The following BCL11B variants were observed in gnomAD, a reference collection of about 807,000 sequenced individuals.
The protein encoded by BCL11B is B-cell lymphoma/leukemia 11B.
Under a neutral mutation model 49.9 loss-of-function variants are expected in BCL11B, and 8 were observed. That is an observed-to-expected ratio of 0.16 (90% confidence interval 0.09 to 0.29). The LOEUF (loss-of-function observed/expected upper bound fraction) is 0.29. Ranked by LOEUF, BCL11B falls within the 10% of genes least tolerant of loss-of-function variation. The pLI, the probability that BCL11B is intolerant of heterozygous loss-of-function variation, is 1.00. For synonymous variants in BCL11B, 739 were observed against 637.4 expected, an observed-to-expected ratio of 1.16 and a Z score of -2.40; for missense variants, 1,006 against 1,351.0, an observed-to-expected ratio of 0.74 and a Z score of 4.00.
chr14:99,250,287 G>A (rs895574901), intron 2 of BCL11B, among the ~76,000 whole-genome samples: 5 of 151,786 alleles, frequency 3.3e-5, no homozygotes, highest in Admixed American at 6.6e-5. Flanking sequence ...CCCCCGCCTC[G>A]GCCTCCCAAA....
In BCL11B at chr14:99,194,810, T is replaced by C. The variant is rs1020880027; in HGVS notation, c.641-18615A>G. ...CTTCGATAATAGCAACCCCCGAGGA[T>C]GCAGACAGGCCTGAACCACGGGCAC... On this transcript the variant is annotated intron_variant, in intron 3 of 3. Coordinates refer to ENST00000357195, the MANE Select transcript of BCL11B (RefSeq NM_138576.4). The surrounding 1 kb of genome is among the most constrained non-coding windows in gnomAD (Gnocchi z 4.6). 2.6e-5 allele frequency among the ~76,000 whole-genome samples: 4 copies of C among 152,088 alleles called. No individual in the cohort carries two copies. The highest frequency in any genetic ancestry group is 9.7e-5 in the African/African-American group (4 of 41,410).
chr14:99,226,846 C>G (rs960594607), intron 3 of BCL11B, among the ~76,000 whole-genome samples: 3 of 152,152 alleles, frequency 2.0e-5, no homozygotes, highest in African/African-American at 7.2e-5. Context: ...TCCCTTTAAC[C>G]CATGCCAAGA....
intron 2 of BCL11B, among the ~76,000 whole-genome samples, chr14:99,246,862 A>G (rs1202392581): frequency 1.3e-5 from 2 of 152,118 alleles, no homozygotes; most frequent in Admixed American, 6.5e-5. Flanking sequence ...GAAGGAAGTG[A>G]GAGGAGACTT....
At chr14:99,207,440 A>C (rs1887564242) in intron 3 of BCL11B, among the ~76,000 whole-genome samples, 1 of 152,064 alleles carries the variant, frequency 6.6e-6, no homozygotes, top group African/African-American at 2.4e-5. Context: ...TCCCCCATGA[A>C]GCTGAGGGAG....
At position 99,184,361 on chromosome 14, in the gene BCL11B, CT is replaced by C. The variant is rs1366857753; in HGVS notation, c.641-8167del. ...GCTTCATACTGATCACCATACTGAACTGTCATCTTTTGTCTTTGACCTTGGT... is the reference window on the plus strand; with the variant it reads ...GCTTCATACTGATCACCATACTGAACGTCATCTTTTGTCTTTGACCTTGGT... On this transcript the variant is annotated intron_variant, in intron 3 of 3. Transcript: ENST00000357195. The surrounding 1 kb of genome is among the most constrained non-coding windows in gnomAD (Gnocchi z 6.1). Among the ~76,000 whole-genome samples, 1 of 152,240 alleles carries C rather than the reference CT, an allele frequency of 6.6e-6. No homozygotes were observed. Among genetic ancestry groups the C allele is most frequent in the African/African-American group, 2.4e-5 (1 of 41,460 alleles).
At chr14:99,219,097 A>T (rs1295517694) in intron 3 of BCL11B, among the ~76,000 whole-genome samples, 1 of 150,576 alleles carries the variant, frequency 6.6e-6, no homozygotes, top group African/African-American at 2.4e-5. Flanking sequence ...GCTGGAGTGC[A>T]GTGGCACGAT....
rs916137574 is a variant in BCL11B at position 99,270,664 on chromosome 14, C to A, written c.58+497G>T. On this transcript the variant is annotated intron_variant, in intron 1 of 3. Coordinates refer to ENST00000357195, the MANE Select transcript of BCL11B (RefSeq NM_138576.4). Reference sequence around the variant, plus strand: ...GGCGGCCGCCCCTGGCCCTACGGCTCCCCCAGCCGGAACGCACCCCGCTCT... The same window carrying A: ...GGCGGCCGCCCCTGGCCCTACGGCTACCCCAGCCGGAACGCACCCCGCTCT... Among the ~76,000 whole-genome samples the A allele has an allele frequency of 2.3e-3, 342 of 151,908 alleles. 1 individual carries two copies. Among genetic ancestry groups the A allele is most frequent in the African/African-American group, 7.9e-3 (329 of 41,478 alleles).
intron 3 of BCL11B, among the ~76,000 whole-genome samples, chr14:99,226,471 G>A (rs1196923435): frequency 6.6e-6 from 1 of 152,216 alleles, no homozygotes; most frequent in Non-Finnish European, 1.5e-5. Flanking sequence ...CGCATCAGCA[G>A]GGGCCTGGTG....
chr14:99,231,647 C>G lies in BCL11B; in HGVS notation c.428-90G>C. 2 of 1,353,718 alleles carry G rather than the reference C, an allele frequency of 1.5e-6. No homozygotes were observed. Among genetic ancestry groups the G allele is most frequent in the East Asian group, 2.5e-5 (1 of 39,768 alleles). 83.9% of individuals were successfully genotyped at this position (1,353,718 alleles called of 1,614,324 possible). ...GGGACGGGGCTCGGGGCGTGGGGCT[C>G]TGCTCAGGCCACCCTTCGGGGGTGG... is the stretch of plus-strand genomic sequence containing the variant. On this transcript the variant is annotated intron_variant, in intron 2 of 3. Coordinates refer to ENST00000357195, the MANE Select transcript of BCL11B (RefSeq NM_138576.4). The surrounding 1 kb of genome is among the most constrained non-coding windows in gnomAD (Gnocchi z 8.1).
In BCL11B at chr14:99,247,231, G is replaced by T. The variant is rs1402718716; in HGVS notation, c.427+10240C>A. 2.0e-5 allele frequency among the ~76,000 whole-genome samples: 3 copies of T among 152,176 alleles called. No homozygotes were observed. Among genetic ancestry groups the T allele is most frequent in the African/African-American group, 7.2e-5 (3 of 41,436 alleles). On this transcript the variant is annotated intron_variant, in intron 2 of 3. Transcript: ENST00000357195. The surrounding 1 kb of genome is among the most constrained non-coding windows in gnomAD (Gnocchi z 4.5). ...CTTCGTTTTCCCAACAAATAAAGTC[G>T]CCTAGTTTGCAGGGAAAGTTTTACA...
intron 2 of BCL11B, among the ~76,000 whole-genome samples, chr14:99,243,861 A>C (rs1888740931): frequency 7.0e-6 from 1 of 142,426 alleles, no homozygotes; most frequent in Non-Finnish European, 1.5e-5. Context: ...TGGTATTTCA[A>C]CATGATCCAG....
chr14:99,199,688 G>A (rs1257918125), intron 3 of BCL11B, among the ~76,000 whole-genome samples: 1 of 63,806 alleles, frequency 1.6e-5, no homozygotes, highest in African/African-American at 4.0e-5. Flanking sequence ...GTGTGTGCGC[G>A]CGCGCGCGCA....
chr14:99,214,806 T>C (rs894692141), intron 3 of BCL11B, among the ~76,000 whole-genome samples: 12 of 151,924 alleles, frequency 7.9e-5, no homozygotes, highest in Non-Finnish European at 1.5e-4. Flanking sequence ...CCCCAGCAGG[T>C]GGATGTGCTT....
chr14:99,209,910 CA>C (rs1887639830), intron 3 of BCL11B, among the ~76,000 whole-genome samples: 1 of 152,134 alleles, frequency 6.6e-6, no homozygotes, highest in African/African-American at 2.4e-5. Context: ...ACACTTAGGC[CA>C]ATGCCTCCAG....
intron 3 of BCL11B, among the ~76,000 whole-genome samples, chr14:99,220,285 T>C (rs564803767): frequency 6.6e-6 from 1 of 152,320 alleles, no homozygotes; most frequent in East Asian, 1.9e-4. Flanking sequence ...AAACAGATTA[T>C]TGTCCACCCA....
chr14:99,241,998 A>C lies in BCL11B; in HGVS notation c.428-10441T>G, dbSNP rs541742244. ...GTTTAACGTGTCTGTCCTCCACTCG[A>C]CTACAAGCCCACTTGGGTTTAAGGA... is the stretch of plus-strand genomic sequence containing the variant. On this transcript the variant is annotated intron_variant, in intron 2 of 3. Transcript: ENST00000357195. This position sits in a 1 kb window ranked among gnomAD's most constrained non-coding sequence, Gnocchi z 4.4. 6.6e-6 allele frequency among the ~76,000 whole-genome samples: 1 copy of C among 152,252 alleles called. No individual in the cohort carries two copies. Among genetic ancestry groups the C allele is most frequent in the East Asian group, 1.9e-4 (1 of 5,174 alleles).
rs529846360 is a variant in BCL11B at position 99,192,898 on chromosome 14, T to C, written c.641-16703A>G. 2.6e-5 allele frequency among the ~76,000 whole-genome samples: 4 copies of C among 152,020 alleles called. No homozygotes were observed. The highest frequency in any genetic ancestry group is 9.6e-5 in the African/African-American group (4 of 41,460). ...ATGAATGAATGAATGAATGAATGAG[T>C]GAATGAATGGATAAAAGAGTGAATG... is the stretch of plus-strand genomic sequence containing the variant. On this transcript the variant is annotated intron_variant, in intron 3 of 3. Transcript: ENST00000357195. This position sits in a 1 kb window ranked among gnomAD's most constrained non-coding sequence, Gnocchi z 4.0.
chr14:99,193,527 G>A (rs1012670203), intron 3 of BCL11B, among the ~76,000 whole-genome samples: 2 of 152,020 alleles, frequency 1.3e-5, no homozygotes, highest in African/African-American at 4.8e-5. Flanking sequence ...GGTACAACAT[G>A]CCGGAGAACT....
Position 99,195,205 on chromosome 14 carries a change from G to A in BCL11B, c.641-19010C>T, listed in dbSNP as rs897444136. On this transcript the variant is annotated intron_variant, in intron 3 of 3. Transcript: ENST00000357195. This position sits in a 1 kb window ranked among gnomAD's most constrained non-coding sequence, Gnocchi z 4.7. ...GCGTTCTCAGGAAAATATGTGGAGCGAACTACCTGGCTTCCTGACCTGTAC... is the reference window on the plus strand; with the variant it reads ...GCGTTCTCAGGAAAATATGTGGAGCAAACTACCTGGCTTCCTGACCTGTAC... 5.3e-5 allele frequency among the ~76,000 whole-genome samples: 8 copies of A among 152,138 alleles called. No individual in the cohort carries two copies. The highest frequency in any genetic ancestry group is 1.2e-4 in the Non-Finnish European group (8 of 68,024).
Sources: gnomAD v4.1 joint callset for allele counts (sites outside exome capture counted in the v4.1 genomes callset) on GRCh38, gnomAD v4.1.1 for gene constraint, Gnocchi (gnomAD v3.1) non-coding constraint, MANE v1.5 for transcripts, NCBI Gene and HGNC (gene_info 2026-07-23, HGNC 2026-07-21) for gene names.